The following CDH12 variants were observed in gnomAD, a reference collection of about 807,000 sequenced individuals.
CDH12 encodes cadherin 12, also known as cadherin-12.
In CDH12, 41 loss-of-function variants were observed where a neutral mutation model predicts 74.1. That is an observed-to-expected ratio of 0.55 (90% CI 0.43 to 0.72). The LOEUF (loss-of-function observed/expected upper bound fraction) is 0.72. CDH12 is among the 30% of genes least tolerant of loss of function. CDH12 has a pLI of 0.00. For synonymous variants in CDH12, 399 were observed against 355.0 expected (o/e 1.12, Z -1.39); for missense variants, 945 against 977.2 (o/e 0.97, Z 0.44).
intron 1 of CDH12, among the ~76,000 whole-genome samples, chr5:22,659,761 T>C (rs1272308244): frequency 6.6e-6 from 1 of 152,096 alleles, no homozygotes; most frequent in African/African-American, 2.4e-5. Flanking sequence ...CATACATATG[T>C]CTATACACAT....
rs76143682 is a variant in CDH12, at chr5:22,831,351, T to G, written c.-523+21707A>C. On this transcript the variant is annotated intron_variant, in intron 1 of 14. Transcript: ENST00000382254. ...CAAAGGAAGGTAGGGGTTTTGGAGT[T>G]TGTGTGTGTGTGTGTGTGTCTGTGT... is the stretch of plus-strand genomic sequence containing the variant. Among the ~76,000 whole-genome samples, 451 of 138,598 alleles carry G rather than the reference T, an allele frequency of 3.3e-3. 3 individuals carry two copies. The highest frequency in any genetic ancestry group is 0.02 in the East Asian group (93 of 4,758). 90.9% of individuals were successfully genotyped at this position (138,598 alleles called of 152,430 possible).
intron 2 of CDH12, among the ~76,000 whole-genome samples, chr5:22,424,902 A>T (rs543478825): frequency 1.3e-5 from 2 of 152,102 alleles, no homozygotes; most frequent in East Asian, 3.9e-4. Flanking sequence ...ATCAGATATG[A>T]CATAAAAATG....
At position 22,216,115 on chromosome 5, in the gene CDH12, T is replaced by C. The variant is rs1386307822; in HGVS notation, c.-332-3472A>G. Among the ~76,000 whole-genome samples the C allele has an allele frequency of 9.9e-5, 15 of 152,164 alleles. No individual in the cohort carries two copies. In the East Asian group the frequency reaches 2.9e-3, roughly 29 times the overall value. ...GTAAGTCCTATTGCTCCCCACTATG[T>C]CGAACAAATATGTTTATCTGAGTCA... is the stretch of plus-strand genomic sequence containing the variant. On this transcript the variant is annotated intron_variant, in intron 3 of 14. Coordinates refer to ENST00000382254, the MANE Select transcript of CDH12 (RefSeq NM_004061.5).
intron 2 of CDH12, among the ~76,000 whole-genome samples, chr5:22,464,996 G>A (rs1233010017): frequency 7.3e-6 from 1 of 136,148 alleles, no homozygotes; most frequent in Non-Finnish European, 1.6e-5. Flanking sequence ...GTGAGACTGT[G>A]TTAAAAAGAG....
intron 3 of CDH12, among the ~76,000 whole-genome samples, chr5:22,401,215 A>G (rs1580609703): frequency 6.6e-6 from 1 of 152,184 alleles, no homozygotes; most frequent in African/African-American, 2.4e-5. Flanking sequence ...ACGAAATAGC[A>G]CAGCCATAAT....
At chr5:21,998,510 CT>C (rs1276623715) in intron 5 of CDH12, among the ~76,000 whole-genome samples, 3 of 152,038 alleles carry the variant, frequency 2.0e-5, no homozygotes, top group Admixed American at 2.0e-4. Context: ...AAAATGAGAA[CT>C]AATCCTTTTG....
chr5:22,315,118 G>GTTTTTTTTTT (rs1344184080), intron 3 of CDH12, among the ~76,000 whole-genome samples: 2 of 9,402 alleles, frequency 2.1e-4, no homozygotes, highest in Admixed American at 1.3e-3. Context: ...TGCCTGCCTG[G>GTTTTTTTTTT]CTTTTTTTTT....
intron 7 of CDH12, among the ~76,000 whole-genome samples, chr5:21,845,427 A>G (rs2149990589): frequency 6.6e-6 from 1 of 152,208 alleles, no homozygotes; most frequent in Non-Finnish European, 1.5e-5. Context: ...CTTAGGCTCC[A>G]GCTATTCCAA....
At chr5:22,150,063 AC>A in intron 4 of CDH12, among the ~76,000 whole-genome samples, 1 of 152,300 alleles carries the variant, frequency 6.6e-6, no homozygotes, top group African/African-American at 2.4e-5. Flanking sequence ...TCATTCAAGT[AC>A]GTACACATTA....
intron 4 of CDH12, among the ~76,000 whole-genome samples, chr5:22,170,088 G>A (rs1748932340): frequency 6.6e-6 from 1 of 151,802 alleles, no homozygotes; most frequent in Admixed American, 6.6e-5. Flanking sequence ...TTGTGAAAGG[G>A]TGAAATGTGT....
At chr5:21,835,093 T>C (rs964355400) in intron 8 of CDH12, among the ~76,000 whole-genome samples, 1 of 151,862 alleles carries the variant, frequency 6.6e-6, no homozygotes, top group Admixed American at 6.6e-5. Flanking sequence ...AGGCAGGCAA[T>C]AGACTCTTAA....
intron 4 of CDH12, among the ~76,000 whole-genome samples, chr5:22,094,766 T>C (rs1743643851): frequency 6.6e-6 from 1 of 152,150 alleles, no homozygotes; most frequent in African/African-American, 2.4e-5. Context: ...CACATCCAGA[T>C]GGCCGGTTCC....
intron 1 of CDH12, among the ~76,000 whole-genome samples, chr5:22,507,574 G>C (rs528437667): frequency 6.6e-6 from 1 of 151,980 alleles, no homozygotes; most frequent in South Asian, 2.1e-4. Flanking sequence ...ACTAATAAAG[G>C]CTTCCCTGTC....
intron 4 of CDH12, among the ~76,000 whole-genome samples, chr5:22,205,635 C>T (rs1313754993): frequency 1.3e-5 from 2 of 151,990 alleles, no homozygotes; most frequent in Admixed American, 6.6e-5. Flanking sequence ...AATCAATATC[C>T]TTGCAATTCA....
intron 6 of CDH12, among the ~76,000 whole-genome samples, chr5:21,921,257 A>G (rs1177090951): frequency 6.6e-6 from 1 of 152,238 alleles, no homozygotes; most frequent in Non-Finnish European, 1.5e-5. Flanking sequence ...TTTAAGCCTT[A>G]AAATCATAAA....
chr5:22,770,185 C>A (rs990445006), intron 1 of CDH12, among the ~76,000 whole-genome samples: 2 of 151,670 alleles, frequency 1.3e-5, no homozygotes, highest in Admixed American at 6.6e-5. Flanking sequence ...GAGACTTTTT[C>A]TTCAACTGAT....
At chr5:21,853,564 C>T (rs1324845170) in intron 7 of CDH12, among the ~76,000 whole-genome samples, 1 of 151,548 alleles carries the variant, frequency 6.6e-6, no homozygotes, top group Non-Finnish European at 1.5e-5. Context: ...TTTTGCACCT[C>T]AACTTTTGTT....
intron 1 of CDH12, among the ~76,000 whole-genome samples, chr5:22,846,503 TAAG>T (rs1293601407): frequency 6.6e-6 from 1 of 151,928 alleles, no homozygotes; most frequent in Non-Finnish European, 1.5e-5. Flanking sequence ...AAAAAGAGAA[TAAG>T]AAGAAGCACT....
rs545046664 is a variant in CDH12, at chr5:22,812,279, A to G, written c.-523+40779T>C. Among the ~76,000 whole-genome samples the G allele has an allele frequency of 5.3e-5, 8 of 152,278 alleles. No homozygotes were observed. The South Asian group carries it at 1.7e-3, about 32-fold the overall frequency. On this transcript the variant is annotated intron_variant, in intron 1 of 14. Transcript: ENST00000382254. ...GCTAGTATAAGGATTAAGTATAAGAATTAGATGGGAATATATATTTTTTGA... is the reference window on the plus strand; with the variant it reads ...GCTAGTATAAGGATTAAGTATAAGAGTTAGATGGGAATATATATTTTTTGA...
Sources: allele counts gnomAD v4.1 joint callset (sites outside exome capture counted in the v4.1 genomes callset), GRCh38; gene constraint gnomAD v4.1.1; transcripts MANE v1.5; gene names NCBI Gene and HGNC (gene_info 2026-07-23, HGNC 2026-07-21).